CHTF18: variants seen among roughly 807,000 people sequenced by gnomAD.
CHTF18 encodes chromosome transmission fidelity protein 18 homolog.
A neutral mutation model predicts 113.4 loss-of-function variants in CHTF18; 151 were observed. That is an observed-to-expected ratio of 1.33 (90% CI 1.17 to 1.52). The LOEUF is 1.52. Among genes scored for constraint, CHTF18 ranks in the 40% most tolerant of loss-of-function variants. CHTF18 has a pLI of 0.00. For missense variants in CHTF18, 1,982 were observed against 1,381.6 expected, an observed-to-expected ratio of 1.43 and a Z score of -6.89; for synonymous variants, 916 against 598.8, an observed-to-expected ratio of 1.53 and a Z score of -7.74.
In CHTF18 at chr16:794,153, T is replaced by C. The variant is rs780543007; in HGVS notation, c.1902T>C (p.Arg634=). ...CCTCCGCCTCACAGCGATTCTACCG[T>C]GTCCTGCATGCCGCTGCCTCTGCGG... ...SLTSASQRFY[R]VLHAAASAGE... Residue 634 remains arginine (R), a synonymous_variant, in exon 15 of 22, where the codon CGT becomes CGC. Transcript: ENST00000262315. 6.2e-6 allele frequency: 10 copies of C among 1,612,390 alleles called. No individual in the cohort carries two copies. Among genetic ancestry groups the C allele is most frequent in the Non-Finnish European group, 8.5e-6 (10 of 1,179,680 alleles).
intron 20 of CHTF18, 34 bp downstream of exon 20, chr16:797,126 G>A (rs1263956160): frequency 6.7e-7 from 1 of 1,485,320 alleles, no homozygotes; most frequent in South Asian, 1.4e-5. Flanking sequence ...GTGGGACCAG[G>A]GTACATACCT....
rs1215573823 is a variant in CHTF18 at position 789,884 on chromosome 16, C to A, written c.606+169C>A. On this transcript the variant is annotated intron_variant, in intron 4 of 21. Coordinates refer to ENST00000262315, the MANE Select transcript of CHTF18 (RefSeq NM_022092.3). ...GCGTAGACTTAGAGGACACAGCCTC[C>A]CCACAGCAGGTTGCTGTCCAGCCTG... 5 of 1,349,862 alleles carry A rather than the reference C, an allele frequency of 3.7e-6. No individual in the cohort carries two copies. The East Asian group carries it at 7.5e-5, about 20-fold the overall frequency. 83.6% of individuals were successfully genotyped at this position (1,349,862 alleles called of 1,614,324 possible). A position where few individuals can be genotyped will look rare whatever the true frequency, so the allele number is the denominator to read the frequency against.
At position 791,177 on chromosome 16, in the gene CHTF18, T is replaced by C; in HGVS notation, c.911T>C (p.Leu304Pro). 1 of 1,611,302 alleles carries C rather than the reference T, an allele frequency of 6.2e-7. No individual in the cohort carries two copies. The highest frequency in any genetic ancestry group is 8.5e-7 in the Non-Finnish European group (1 of 1,179,392). Reference protein sequence around the residue: ...LLSDDFTNRCLLKWLKLWDLV... With the variant: ...LLSDDFTNRCPLKWLKLWDLV... ...TTCCCGCAGTTCACCAACCGCTGCCTGCTCAAGTGGCTGAAGTTGTGGGAC... is the reference window on the plus strand; with the variant it reads ...TTCCCGCAGTTCACCAACCGCTGCCCGCTCAAGTGGCTGAAGTTGTGGGAC... Residue 304 changes from leucine to proline, a missense_variant, in exon 8 of 22, where the codon CTG (leucine) becomes CCG (proline). Physicochemically the swap from Leu to Pro is moderately conservative, Grantham distance 98. Transcript: ENST00000262315.
intron 2 of CHTF18, 34 bp from the exon 3 acceptor site, chr16:789,176 G>C: frequency 6.5e-7 from 1 of 1,550,204 alleles, no homozygotes; most frequent in Non-Finnish European, 8.7e-7. Context: ...CGAGGCTGAG[G>C]AGGCCTCTGG....
chr16:795,547 A>C lies in CHTF18; in HGVS notation c.2176-138A>C, dbSNP rs1460242684. 39 of 43,550 alleles carry C rather than the reference A, an allele frequency of 9.0e-4. No homozygotes were observed. In the Admixed American group the frequency reaches 0.012, roughly 13 times the overall value. The allele number at this position is 43,550 out of a possible 1,614,324, so 2.7% of individuals were successfully genotyped here. ...CCCGGCCCCGTGCCCGCCCCCCCAA[A>C]CACACTGCCCGTGTGGCTGCCCCCG... On this transcript the variant is annotated intron_variant, in intron 16 of 21. Coordinates refer to ENST00000262315, the MANE Select transcript of CHTF18 (RefSeq NM_022092.3).
Position 792,706 on chromosome 16 carries a change from G to A in CHTF18, c.1479-12G>A, listed in dbSNP as rs742320. 339,879 of 1,567,530 alleles carry A rather than the reference G, an allele frequency of 0.22. 40,989 individuals carry two copies. The highest frequency in any genetic ancestry group is 0.48 in the South Asian group (41,567 of 86,888). ...CAACCCTGGGGTCCCTGGCCCTGCCGCCTCTCCTCAGGTTCGCACCGTCCC... is the reference window on the plus strand; with the variant it reads ...CAACCCTGGGGTCCCTGGCCCTGCCACCTCTCCTCAGGTTCGCACCGTCCC... On this transcript the variant is annotated splice_polypyrimidine_tract_variant and intron_variant, in intron 11 of 21. Transcript: ENST00000262315.
chr16:797,240 C>T (rs1191284496), intron 20 of CHTF18, 148 bp downstream of exon 20: 28 of 947,020 alleles, frequency 3.0e-5, no homozygotes, highest in Non-Finnish European at 3.8e-5. Context: ...GAGGCAGGGC[C>T]AGGGTACCTT....
At chr16:794,783 C>T (rs2042292694) in intron 15 of CHTF18, 1 of 317,932 alleles carries the variant, frequency 3.1e-6, no homozygotes, top group South Asian at 4.1e-5. Flanking sequence ...GCGGAACTTC[C>T]TCAGGCAGTC....
rs540750304 is a variant in CHTF18, at chr16:795,153, C to A, written c.1972C>A (p.Arg658Ser). The change falls in exon 16 of 22, where the codon CGT becomes AGT. Residue 658 changes from arginine (R) to serine (S), a missense_variant. By Grantham distance (110) the Arg-to-Ser change is moderately radical. Coordinates refer to ENST00000262315, the MANE Select transcript of CHTF18 (RefSeq NM_022092.3). ...GCAGGGCTTGTTTGACAACTTCCTG[C>A]GTCTGCGGCTGCGAGACTCCAGCCT... ...VVQGLFDNFL[R>S]LRLRDSSLGA... 4.6e-5 allele frequency: 72 copies of A among 1,551,722 alleles called. No individual in the cohort carries two copies. The highest frequency in any genetic ancestry group is 5.7e-5 in the Non-Finnish European group (65 of 1,148,102).
chr16:796,553 A>T, intron 18 of CHTF18, 164 bp from the exon 19 acceptor site: 1 of 801,402 alleles, frequency 1.2e-6, no homozygotes, highest in Non-Finnish European at 1.9e-6. Flanking sequence ...CGGGGCAGTT[A>T]AACCTGGCTG....
intron 2 of CHTF18, 27 bp from the exon 3 acceptor site, chr16:789,183 C>CCGGAG: frequency 6.5e-7 from 1 of 1,550,332 alleles, no homozygotes; most frequent in South Asian, 1.2e-5. Context: ...GAGGAGGCCT[C>CCGGAG]TGGTTCCCTG....
chr16:797,866 T>C lies in CHTF18; in HGVS notation c.2819T>C (p.Val940Ala). 3 of 1,608,498 alleles carry C rather than the reference T, an allele frequency of 1.9e-6. No individual in the cohort carries two copies. The highest frequency in any genetic ancestry group is 2.5e-6 in the Non-Finnish European group (3 of 1,178,090). Residue 940 changes from valine to alanine, a missense_variant, in exon 22 of 22, where the codon GTG becomes GCG. Physicochemically the swap from Val to Ala is moderately conservative, Grantham distance 64. Coordinates refer to ENST00000262315, the MANE Select transcript of CHTF18 (RefSeq NM_022092.3). ...GACACGGCCCCGGAGCAGGACTCAG[T>C]GGAGCGGCGCATGGGCACAGCGGTG... ...AGDTAPEQDS[V>A]ERRMGTAVGR...
In CHTF18 at chr16:795,489, CG is replaced by C. The variant is rs1324169617; in HGVS notation, c.2175+134del. The C allele has an allele frequency of 1.7e-5, 5 of 297,054 alleles. 1 individual carries two copies. The highest frequency in any genetic ancestry group is 3.8e-4 in the African/African-American group (2 of 5,310). The allele number at this position is 297,054 out of a possible 1,614,324, so 18.4% of individuals were successfully genotyped here. On this transcript the variant is annotated intron_variant, in intron 16 of 21. Coordinates refer to ENST00000262315, the MANE Select transcript of CHTF18 (RefSeq NM_022092.3). ...GTGTGGCTGCCCCCGGCCCCGTGCCCGCCCCCCCAAACACACTGCCCGTGTG... is the reference window on the plus strand; with the variant it reads ...GTGTGGCTGCCCCCGGCCCCGTGCCCCCCCCCCAAACACACTGCCCGTGTG...
intron 14 of CHTF18, chr16:793,814 C>G (rs1398757219): frequency 3.1e-6 from 2 of 651,974 alleles, no homozygotes; most frequent in South Asian, 3.5e-5. Flanking sequence ...TCCCCTAACC[C>G]CAGAGGGTCA....
At chr16:790,082 G>T (rs1355500292) in intron 4 of CHTF18, 95 bp from the exon 5 acceptor site, 4 of 1,538,236 alleles carry the variant, frequency 2.6e-6, no homozygotes, top group Non-Finnish European at 3.5e-6. Flanking sequence ...GCTTACTGGG[G>T]TTGTCCCACC....
In CHTF18 at chr16:789,093, C is replaced by A; in HGVS notation, c.254C>A (p.Ala85Asp). 1 of 1,532,484 alleles carries A rather than the reference C, an allele frequency of 6.5e-7. No homozygotes were observed. The highest frequency in any genetic ancestry group is 1.2e-5 in the South Asian group (1 of 82,408). The allele number at this position is 1,532,484 out of a possible 1,614,324, so 94.9% of individuals were successfully genotyped here. A position where few individuals can be genotyped will look rare whatever the true frequency, so the allele number is the denominator to read the frequency against. Residue 85 changes from alanine (A) to aspartate (D), a missense_variant, in exon 2 of 22, where the codon GCC (alanine) becomes GAC (aspartate). Physicochemically the swap from Ala to Asp is moderately radical, Grantham distance 126. Transcript: ENST00000262315. ...QGGARKRQVD[A>D]DLQPAGSLPH... is the part of the protein sequence containing the mutation. ...GGCGCCAGGAAGAGGCAGGTGGACG[C>A]CGACCTGCAGCCGGCCGGGTCCCTG...
intron 14 of CHTF18, chr16:793,657 G>A (rs564335914): frequency 5.6e-6 from 3 of 536,304 alleles, no homozygotes; most frequent in Admixed American, 2.8e-5. Context: ...CCCGTGGGCA[G>A]GAGCAGCCAG....
Position 797,875 on chromosome 16 carries a change from G to T in CHTF18, c.2828G>T (p.Arg943Leu), listed in dbSNP as rs373749220. ...CCGGAGCAGGACTCAGTGGAGCGGCGCATGGGCACAGCGGTGGGCAGGAGC... is the reference window on the plus strand; with the variant it reads ...CCGGAGCAGGACTCAGTGGAGCGGCTCATGGGCACAGCGGTGGGCAGGAGC... Reference protein sequence around the residue: ...TAPEQDSVERRMGTAVGRSEV... With the variant: ...TAPEQDSVERLMGTAVGRSEV... Residue 943 changes from arginine (R) to leucine (L), a missense_variant, in exon 22 of 22, where the codon CGC (arginine) becomes CTC (leucine). Physicochemically the swap from Arg to Leu is moderately radical, Grantham distance 102. Coordinates refer to ENST00000262315, the MANE Select transcript of CHTF18 (RefSeq NM_022092.3). 1.9e-6 allele frequency: 3 copies of T among 1,609,434 alleles called. No individual in the cohort carries two copies. Among genetic ancestry groups the T allele is most frequent in the East Asian group, 2.2e-5 (1 of 44,790 alleles).
Position 794,043 on chromosome 16 carries a change from C to G in CHTF18, c.1803-11C>G, listed in dbSNP as rs558003250. 1 of 1,606,306 alleles carries G rather than the reference C, an allele frequency of 6.2e-7. No individual in the cohort carries two copies. Reference sequence around the variant, plus strand: ...ACACGGGTCCATCTAGCTTCAGCACCCCACCTGCAGGCGCCGTGTGGGCCA... The same window carrying G: ...ACACGGGTCCATCTAGCTTCAGCACGCCACCTGCAGGCGCCGTGTGGGCCA... On this transcript the variant is annotated splice_polypyrimidine_tract_variant and intron_variant, in intron 14 of 21. Transcript: ENST00000262315.
Sources: allele counts gnomAD v4.1 joint callset, GRCh38; gene constraint gnomAD v4.1.1; transcripts MANE v1.5; gene names NCBI Gene and HGNC (gene_info 2026-07-23, HGNC 2026-07-21).